CRMP1: variants seen among roughly 807,000 people sequenced by gnomAD.
CRMP1 encodes the protein collapsin response mediator protein 1, also known as dihydropyrimidinase-related protein 1.
A neutral mutation model predicts 68.3 loss-of-function variants in CRMP1; 19 were observed. The ratio of observed to expected loss-of-function variants is 0.28; its 90% CI spans 0.19 to 0.41. CRMP1 has a LOEUF of 0.41. Among genes scored for constraint, CRMP1 ranks in the 10% least tolerant of loss-of-function variants. The pLI is 1.00. For synonymous variants in CRMP1, 439 were observed against 399.6 expected (o/e 1.10, Z -1.18); for missense variants, 791 against 967.4 (o/e 0.82, Z 2.42).
chr4:5,837,650 T>TAAAATAAAATAAAATA (rs1553903977), intron 9 of CRMP1, among the ~76,000 whole-genome samples: 1 of 134,822 alleles, frequency 7.4e-6, no homozygotes, highest in African/African-American at 3.0e-5. Flanking sequence ...TAAAATAAAA[T>TAAAATAAAATAAAATA]AATAAAATAA....
chr4:5,846,757 ATTTTTTTTTTTT>A (rs71171490), intron 6 of CRMP1, among the ~76,000 whole-genome samples: 7 of 53,742 alleles, frequency 1.3e-4, no homozygotes, highest in African/African-American at 5.4e-4. Context: ...TGCCCGGCTA[ATTTTTTTTTTTT>A]TTTTTTTTTT....
chr4:5,861,105 C>T lies in CRMP1; in HGVS notation c.576G>A (p.Lys192=). The change falls in exon 3 of 14, where the codon AAG becomes AAA. Residue 192 remains lysine (K), a synonymous_variant. Coordinates refer to ENST00000324989, the MANE Select transcript of CRMP1 (RefSeq NM_001014809.3). This position sits in a 1 kb window ranked among gnomAD's most constrained non-coding sequence, Gnocchi z 6.0. ...CAGCCGCAGTCATCCCCTGGGAGGGCTTCTGCAGGTACGTGTTGACATCAA... is the reference window on the plus strand; with the variant it reads ...CAGCCGCAGTCATCCCCTGGGAGGGTTTCTGCAGGTACGTGTTGACATCAA... ...GGIDVNTYLQ[K]PSQGMTAADD... is the part of the protein sequence containing the mutation. 2 of 1,614,228 alleles carry T rather than the reference C, an allele frequency of 1.2e-6. No homozygotes were observed. Among genetic ancestry groups the T allele is most frequent in the Non-Finnish European group, 1.7e-6 (2 of 1,180,044 alleles).
intron 12 of CRMP1, chr4:5,826,952 G>A (rs976364680): frequency 8.5e-5 from 13 of 152,664 alleles, no homozygotes; most frequent in African/African-American, 3.1e-4. Context: ...CGACTCCCTG[G>A]GCCTCACTGT....
chr4:5,820,782 G>T lies in CRMP1; in HGVS notation c.*978C>A, dbSNP rs1452203596. ...ACTGAAATGAAAGTGCCCTAGTCAG[G>T]TCAGTGGGCAGTTCATTTTCTTTAT... On this transcript the variant is annotated 3_prime_UTR_variant, in exon 14 of 14. Transcript: ENST00000324989. 6.6e-6 allele frequency: 1 copy of T among 150,844 alleles called. No individual in the cohort carries two copies. The highest frequency in any genetic ancestry group is 1.5e-5 in the Non-Finnish European group (1 of 68,024). The allele number at this position is 150,844 out of a possible 1,614,324, so 9.3% of individuals were successfully genotyped here.
At position 5,890,555 on chromosome 4, in the gene CRMP1, G is replaced by A. The variant is rs1451983088; in HGVS notation, c.381+2034C>T. On this transcript the variant is annotated intron_variant, in intron 1 of 13. Coordinates refer to ENST00000324989, the MANE Select transcript of CRMP1 (RefSeq NM_001014809.3). The surrounding 1 kb of genome is among the most constrained non-coding windows in gnomAD (Gnocchi z 5.5). Reference sequence around the variant, plus strand: ...GAAAGTAAAACCCTCCCTCCGTGGAGATCGCGAGCCCCTGAGTTCCACAGT... The same window carrying A: ...GAAAGTAAAACCCTCCCTCCGTGGAAATCGCGAGCCCCTGAGTTCCACAGT... 6.6e-6 allele frequency among the ~76,000 whole-genome samples: 1 copy of A among 152,238 alleles called. No individual in the cohort carries two copies. The highest frequency in any genetic ancestry group is 2.4e-5 in the African/African-American group (1 of 41,466).
chr4:5,869,777 C>T (rs1165931319), intron 1 of CRMP1, among the ~76,000 whole-genome samples: 1 of 151,924 alleles, frequency 6.6e-6, no homozygotes, highest in African/African-American at 2.4e-5. Flanking sequence ...AACTCAAGAA[C>T]CTGGAGGCAG....
Position 5,883,309 on chromosome 4 carries a change from C to CT in CRMP1, c.381+9279dup, listed in dbSNP as rs1416909717. The stretch of plus-strand genomic sequence containing the variant: ...CTTTCTATCTTTCTCTTTCTTTCTT[C>CT]TTTTTTGTTTGAGAGAGTCTCATTC... On this transcript the variant is annotated intron_variant, in intron 1 of 13. Transcript: ENST00000324989. The surrounding 1 kb of genome is among the most constrained non-coding windows in gnomAD (Gnocchi z 4.5). Among the ~76,000 whole-genome samples, 6 of 144,602 alleles carry CT rather than the reference C, an allele frequency of 4.1e-5. No individual in the cohort carries two copies. In the East Asian group the frequency reaches 6.2e-4, roughly 15 times the overall value. The allele number at this position is 144,602 out of a possible 152,430, so 94.9% of individuals were successfully genotyped here.
rs1230690634 is a variant in CRMP1, at chr4:5,841,075, CATAAT to C, written c.1153+228_1153+232del. ...TAATATGTGGATCCATTAGATTAAA[CATAAT>C]ATATTATTAAAATTCTCTTTAAATG... On this transcript the variant is annotated intron_variant, in intron 8 of 13. Transcript: ENST00000324989. The surrounding 1 kb of genome is among the most constrained non-coding windows in gnomAD (Gnocchi z 6.9). 1.3e-5 allele frequency among the ~76,000 whole-genome samples: 2 copies of C among 152,162 alleles called. No homozygotes were observed. The highest frequency in any genetic ancestry group is 6.5e-5 in the Admixed American group (1 of 15,278).
At chr4:5,836,647 C>T in intron 10 of CRMP1, 118 bp downstream of exon 10, 1 of 1,474,202 alleles carries the variant, frequency 6.8e-7, no homozygotes, top group Admixed American at 1.7e-5. Flanking sequence ...CCTAGTATAT[C>T]TGCTTCCGCC....
intron 1 of CRMP1, among the ~76,000 whole-genome samples, chr4:5,885,774 G>A (rs1715542117): frequency 6.6e-6 from 1 of 152,166 alleles, no homozygotes; most frequent in Non-Finnish European, 1.5e-5. Flanking sequence ...AAGGGCCAGG[G>A]CAAACCCATT....
Position 5,838,981 on chromosome 4 carries a change from T to C in CRMP1, c.1310+541A>G, listed in dbSNP as rs1720909864. ...GCTATTGCTAAGTGCTCTTCCCTCC[T>C]GGTGGCTAACAGAAGGGAAGGGGCT... is the stretch of plus-strand genomic sequence containing the variant. On this transcript the variant is annotated intron_variant, in intron 9 of 13. Coordinates refer to ENST00000324989, the MANE Select transcript of CRMP1 (RefSeq NM_001014809.3). This position sits in a 1 kb window ranked among gnomAD's most constrained non-coding sequence, Gnocchi z 4.9. Among the ~76,000 whole-genome samples, 1 of 152,192 alleles carries C rather than the reference T, an allele frequency of 6.6e-6. No homozygotes were observed. Among genetic ancestry groups the C allele is most frequent in the Non-Finnish European group, 1.5e-5 (1 of 68,044 alleles).
chr4:5,824,689 C>G (rs1189904623), intron 13 of CRMP1: 5 of 967,536 alleles, frequency 5.2e-6, no homozygotes, highest in Non-Finnish European at 6.0e-6. Flanking sequence ...GATGTTGCCT[C>G]TTAGCTTACA....
In CRMP1 at chr4:5,821,583, G is replaced by GCAAA. The variant is rs1432024582; in HGVS notation, c.*173_*176dup. The GCAAA allele has an allele frequency of 1.6e-5, 10 of 627,064 alleles. No homozygotes were observed. Among genetic ancestry groups the GCAAA allele is most frequent in the Non-Finnish European group, 2.7e-5 (10 of 367,658 alleles). 38.8% of individuals were successfully genotyped at this position (627,064 alleles called of 1,614,324 possible). A position where few individuals can be genotyped will look rare whatever the true frequency, so the allele number is the denominator to read the frequency against. On this transcript the variant is annotated 3_prime_UTR_variant, in exon 14 of 14. Coordinates refer to ENST00000324989, the MANE Select transcript of CRMP1 (RefSeq NM_001014809.3). This position sits in a 1 kb window ranked among gnomAD's most constrained non-coding sequence, Gnocchi z 4.4. ...CAACTGTGGGGCAAGGAATTTCCAAGCAAACACACCACACTAGTACCACTT... is the reference window on the plus strand; with the variant it reads ...CAACTGTGGGGCAAGGAATTTCCAAGCAAACAAACACACCACACTAGTACCACTT...
intron 1 of CRMP1, among the ~76,000 whole-genome samples, chr4:5,878,614 G>A (rs1715011687): frequency 6.6e-6 from 1 of 152,106 alleles, no homozygotes; most frequent in African/African-American, 2.4e-5. Flanking sequence ...TATGAATGCA[G>A]AGGCCAGACT....
rs907069715 is a variant in CRMP1, at chr4:5,842,545, C to T, written c.1032+548G>A. ...CCATGCCCGATCAGCTTGCCTTCCT[C>T]CTTCCACACTCCCTGCAGGTGCATG... On this transcript the variant is annotated intron_variant, in intron 7 of 13. Transcript: ENST00000324989. This position sits in a 1 kb window ranked among gnomAD's most constrained non-coding sequence, Gnocchi z 4.5. Among the ~76,000 whole-genome samples the T allele has an allele frequency of 5.9e-5, 9 of 151,934 alleles. No individual in the cohort carries two copies. The highest frequency in any genetic ancestry group is 2.6e-4 in the Admixed American group (4 of 15,256).
intron 9 of CRMP1, among the ~76,000 whole-genome samples, 179 bp downstream of exon 9, chr4:5,839,343 C>T (rs1010119295): frequency 2.6e-5 from 4 of 152,186 alleles, no homozygotes; most frequent in African/African-American, 9.6e-5. Context: ...CTGGATGCCA[C>T]AGATCTTCAG....
In CRMP1 at chr4:5,865,393, G is replaced by C. The variant is rs1380021410; in HGVS notation, c.470+1275C>G. ...TCCCAGCACTTTGGGAGGCCGAGGCGAGCGGATCACGAGGTCAGGAGATCG... is the reference window on the plus strand; with the variant it reads ...TCCCAGCACTTTGGGAGGCCGAGGCCAGCGGATCACGAGGTCAGGAGATCG... On this transcript the variant is annotated intron_variant, in intron 2 of 13. Coordinates refer to ENST00000324989, the MANE Select transcript of CRMP1 (RefSeq NM_001014809.3). The surrounding 1 kb of genome is among the most constrained non-coding windows in gnomAD (Gnocchi z 4.1). Among the ~76,000 whole-genome samples the C allele has an allele frequency of 1.3e-5, 2 of 152,128 alleles. No individual in the cohort carries two copies. The highest frequency in any genetic ancestry group is 3.9e-4 in the East Asian group (2 of 5,148).
intron 1 of CRMP1, among the ~76,000 whole-genome samples, chr4:5,867,622 G>A (rs1467184469): frequency 1.3e-5 from 2 of 152,074 alleles, no homozygotes; most frequent in Non-Finnish European, 1.5e-5. Context: ...CAGCTCCAGA[G>A]GGGACCAGGC....
Position 5,843,437 on chromosome 4 carries a change from C to T in CRMP1, c.964-276G>A, listed in dbSNP as rs558785095. ...TGAGAGGAAGCAGGGTTATAAGACA[C>T]GAGCTTCCAAGGCCACCCACCACTC... On this transcript the variant is annotated intron_variant, in intron 6 of 13. Coordinates refer to ENST00000324989, the MANE Select transcript of CRMP1 (RefSeq NM_001014809.3). The surrounding 1 kb of genome is among the most constrained non-coding windows in gnomAD (Gnocchi z 4.1). 1.1e-4 allele frequency among the ~76,000 whole-genome samples: 17 copies of T among 152,228 alleles called. No individual in the cohort carries two copies. Among genetic ancestry groups the T allele is most frequent in the African/African-American group, 2.2e-4 (9 of 41,556 alleles).
Sources: allele counts gnomAD v4.1 joint callset (sites outside exome capture counted in the v4.1 genomes callset), GRCh38; gene constraint gnomAD v4.1.1; non-coding constraint Gnocchi (gnomAD v3.1); transcripts MANE v1.5; gene names NCBI Gene and HGNC (gene_info 2026-07-23, HGNC 2026-07-21).